Variants in SPIRE1 observed in about 807,000 individuals in gnomAD.
SPIRE1 encodes spire type actin nucleation factor 1.
In SPIRE1, 40 loss-of-function variants were observed where a neutral mutation model predicts 94.1. That is an observed-to-expected ratio of 0.43 (90% CI 0.33 to 0.55). The LOEUF (loss-of-function observed/expected upper bound fraction) is 0.55, where lower values mean the gene tolerates loss of function less well. Among genes scored for constraint, SPIRE1 ranks in the 20% least tolerant of loss-of-function variants. The pLI, the probability that SPIRE1 is intolerant of heterozygous loss-of-function variation, is 0.06. For synonymous variants in SPIRE1, 376 were observed against 371.7 expected (o/e 1.01, Z -0.13); for missense variants, 838 against 975.2 (o/e 0.86, Z 1.87).
Position 12,463,424 on chromosome 18 carries a change from T to A in SPIRE1, c.1565A>T (p.His522Leu). The A allele has an allele frequency of 6.2e-7, 1 of 1,614,044 alleles. No individual in the cohort carries two copies. The highest frequency in any genetic ancestry group is 8.5e-7 in the Non-Finnish European group (1 of 1,179,974). The change falls in exon 12 of 17, where the codon CAT (histidine) becomes CTT (leucine). Residue 522 changes from histidine to leucine, a missense_variant. Transcript: ENST00000409402. ...AGTAGGCGTTTCCTTTTCAATGGAA[T>A]GTCGTCTCTGGGGTGGCTGCCGTCT... Reference protein sequence around the residue: ...PERRQPPQRRHSIEKETPTNV... With the variant: ...PERRQPPQRRLSIEKETPTNV...
chr18:12,459,979 G>T, intron 12 of SPIRE1: 1 of 898,824 alleles, frequency 1.1e-6, no homozygotes, highest in Non-Finnish European at 1.3e-6. Flanking sequence ...AAGAAAAGGA[G>T]AAAATAATGC....
chr18:12,657,675 C>A lies in SPIRE1; in HGVS notation c.192G>T (p.Gln64His). Residue 64 changes from glutamine to histidine, a missense_variant, in exon 1 of 17, where the codon CAG (glutamine) becomes CAT (histidine). Gln to His is a conservative substitution (Grantham distance 24, BLOSUM62 0). Around this residue, in one of 2 missense-constraint regions of SPIRE1, gnomAD observed 193 missense variants for 170.5 expected, o/e 1.13. Coordinates refer to ENST00000409402, the MANE Select transcript of SPIRE1 (RefSeq NM_001128626.2). Reference protein sequence around the residue: ...NEEQAWAVCYQCCGSLRAAAR... With the variant: ...NEEQAWAVCYHCCGSLRAAAR... Reference sequence around the variant, plus strand: ...CGGCGGCGCGCAGGGAACCGCAGCACTGGTAGCACACGGCCCACGCCTGCT... The same window carrying A: ...CGGCGGCGCGCAGGGAACCGCAGCAATGGTAGCACACGGCCCACGCCTGCT... 1 of 1,363,430 alleles carries A rather than the reference C, an allele frequency of 7.3e-7. No homozygotes were observed. Among genetic ancestry groups the A allele is most frequent in the Non-Finnish European group, 9.5e-7 (1 of 1,052,226 alleles). 84.5% of individuals were successfully genotyped at this position (1,363,430 alleles called of 1,614,324 possible).
intron 12 of SPIRE1, among the ~76,000 whole-genome samples, chr18:12,461,803 T>C (rs2031877233): frequency 6.6e-6 from 1 of 152,130 alleles, no homozygotes; most frequent in Non-Finnish European, 1.5e-5. Context: ...AAGTTTTTAA[T>C]TAAAAATTTT....
At chr18:12,658,172 G>T, upstream of SPIRE1, 1 of 826,430 alleles carries the variant, frequency 1.2e-6, no homozygotes, top group Non-Finnish European at 1.6e-6. Flanking sequence ...GCCCCTTAGG[G>T]GGCCGCACGG....
intron 2 of SPIRE1, among the ~76,000 whole-genome samples, chr18:12,568,279 C>T (rs1353402517): frequency 6.6e-6 from 1 of 152,226 alleles, no homozygotes; most frequent in African/African-American, 2.4e-5. Flanking sequence ...TCTCATCTTA[C>T]TACAAAGTTA....
At position 12,650,674 on chromosome 18, in the gene SPIRE1, C is replaced by T. The variant is rs2038354866; in HGVS notation, c.337+6856G>A. Among the ~76,000 whole-genome samples the T allele has an allele frequency of 1.4e-5, 2 of 146,590 alleles. 1 individual carries two copies. The highest frequency in any genetic ancestry group is 4.4e-4 in the South Asian group (2 of 4,572). ...GCAGTAAGCCAAGATCACGCCGCTGCACTCCAGCCTGGTGACAGAGCAAGA... is the reference window on the plus strand; with the variant it reads ...GCAGTAAGCCAAGATCACGCCGCTGTACTCCAGCCTGGTGACAGAGCAAGA... On this transcript the variant is annotated intron_variant, in intron 1 of 16. Coordinates refer to ENST00000409402, the MANE Select transcript of SPIRE1 (RefSeq NM_001128626.2).
intron 2 of SPIRE1, among the ~76,000 whole-genome samples, chr18:12,600,784 G>A (rs942864738): frequency 3.3e-5 from 5 of 151,708 alleles, no homozygotes; most frequent in South Asian, 2.1e-4. Flanking sequence ...GTGCAGTGGC[G>A]CCGTTTCAGT....
intron 13 of SPIRE1, 51 bp downstream of exon 13, chr18:12,454,295 G>A (rs369438143): frequency 6.2e-6 from 10 of 1,606,396 alleles, no homozygotes; most frequent in Non-Finnish European, 5.1e-6. Context: ...ACTATGCATG[G>A]GACTGGCCAT....
At chr18:12,637,240 TC>T (rs1555635535) in intron 1 of SPIRE1, among the ~76,000 whole-genome samples, 1 of 151,682 alleles carries the variant, frequency 6.6e-6, no homozygotes, top group Non-Finnish European at 1.5e-5. Context: ...GTGCCTGTAG[TC>T]CCAGCTACTC....
intron 8 of SPIRE1, 136 bp from the exon 9 acceptor site, chr18:12,486,136 G>T: frequency 1.6e-6 from 1 of 636,908 alleles, no homozygotes; most frequent in South Asian, 1.9e-5. Context: ...AGAAGCTAGT[G>T]AATGAAAATC....
intron 2 of SPIRE1, among the ~76,000 whole-genome samples, chr18:12,615,345 A>AAAAAAAATAAAAAAATAT: frequency 2.3e-4 from 4 of 17,236 alleles, no homozygotes; most frequent in Non-Finnish European, 7.4e-4. Context: ...AAAAAAAAAA[A>AAAAAAAATAAAAAAATAT]ATATATATAT....
At chr18:12,522,669 G>A (rs575150395) in intron 4 of SPIRE1, among the ~76,000 whole-genome samples, 30 of 152,218 alleles carry the variant, frequency 2.0e-4, no homozygotes, top group African/African-American at 7.0e-4. Flanking sequence ...GGCTAATGTG[G>A]GTGATGAAGT....
chr18:12,551,356 T>C (rs1031829514), intron 2 of SPIRE1, among the ~76,000 whole-genome samples: 8 of 152,194 alleles, frequency 5.3e-5, no homozygotes, highest in African/African-American at 1.9e-4. Context: ...ATATATAAAA[T>C]AAAATATTTA....
At chr18:12,602,486 T>C (rs2036863391) in intron 2 of SPIRE1, among the ~76,000 whole-genome samples, 1 of 152,192 alleles carries the variant, frequency 6.6e-6, no homozygotes, top group Non-Finnish European at 1.5e-5. Context: ...TTTGAGATTG[T>C]CATCCCACAC....
At position 12,449,402 on chromosome 18, in the gene SPIRE1, A is replaced by G. The variant is rs770639471; in HGVS notation, c.*236T>C. The stretch of plus-strand genomic sequence containing the variant: ...CCAAAGCCACACACACACAAAAGTA[A>G]GTTTCAAACTGTTGTCCTCTCTCAG... On this transcript the variant is annotated 3_prime_UTR_variant, in exon 17 of 17. Transcript: ENST00000409402. 1.9e-6 allele frequency: 1 copy of G among 531,142 alleles called. No homozygotes were observed. Among genetic ancestry groups the G allele is most frequent in the Admixed American group, 3.3e-5 (1 of 29,888 alleles). The allele number at this position is 531,142 out of a possible 1,614,324, so 32.9% of individuals were successfully genotyped here.
At chr18:12,631,388 T>C (rs2037769582) in intron 2 of SPIRE1, among the ~76,000 whole-genome samples, 1 of 151,166 alleles carries the variant, frequency 6.6e-6, no homozygotes, top group African/African-American at 2.4e-5. Flanking sequence ...TGTTTTACAT[T>C]TTACAAAACC....
intron 6 of SPIRE1, among the ~76,000 whole-genome samples, chr18:12,500,656 G>C (rs577380368): frequency 2.0e-5 from 3 of 152,066 alleles, no homozygotes; most frequent in South Asian, 2.1e-4. Flanking sequence ...ACAAAAATGC[G>C]TACACTACTA....
upstream of SPIRE1, chr18:12,658,232 C>G (rs1021106408): frequency 1.4e-5 from 7 of 511,452 alleles, no homozygotes; most frequent in Non-Finnish European, 2.4e-5. Context: ...AGGGCCTCGC[C>G]TCGAGGCGAG....
At chr18:12,549,056 CTTCCCTGGCACAGGG>C (rs952984504) in intron 2 of SPIRE1, among the ~76,000 whole-genome samples, 1 of 152,230 alleles carries the variant, frequency 6.6e-6, no homozygotes, top group African/African-American at 2.4e-5. Context: ...CATTTCAGTG[CTTCCCTGGCACAGGG>C]TACACATTGC....
Sources: gnomAD v4.1 joint callset for allele counts (sites outside exome capture counted in the v4.1 genomes callset) on GRCh38, gnomAD v4.1.1 for gene constraint, gnomAD v4.1.1 regional missense constraint, MANE v1.5 for transcripts, NCBI Gene and HGNC (gene_info 2026-07-23, HGNC 2026-07-21) for gene names.